Variants in DNAH5 observed in about 807,000 individuals in gnomAD.
DNAH5 encodes axonemal beta dynein heavy chain 5.
In DNAH5, 372 loss-of-function variants were observed where a neutral mutation model predicts 518.2. The ratio of observed to expected loss-of-function variants is 0.72; its 90% CI spans 0.66 to 0.78. The LOEUF is 0.78. DNAH5 is among the 30% of genes least tolerant of loss of function. The pLI, the probability that DNAH5 is intolerant of heterozygous loss-of-function variation, is 0.00. For synonymous variants in DNAH5, 2,039 were observed against 2,025.9 expected (o/e 1.01, Z -0.17); for missense variants, 5,523 against 5,687.0 (o/e 0.97, Z 0.93).
rs185804750 is a variant in DNAH5 at position 13,875,195 on chromosome 5, C to T, written c.3396+1489G>A. 7.9e-5 allele frequency among the ~76,000 whole-genome samples: 12 copies of T among 152,148 alleles called. 1 individual carries two copies. Among genetic ancestry groups the T allele is most frequent in the Admixed American group, 2.6e-4 (4 of 15,268 alleles). Reference sequence around the variant, plus strand: ...ATAAAAGTGACACAGAGGCCGGGCACGGTGGCTCACGACTGTAATCCCAGC... The same window carrying T: ...ATAAAAGTGACACAGAGGCCGGGCATGGTGGCTCACGACTGTAATCCCAGC... On this transcript the variant is annotated intron_variant, in intron 22 of 78. Coordinates refer to ENST00000265104, the MANE Select transcript of DNAH5 (RefSeq NM_001369.3).
chr5:13,864,745 A>T, intron 27 of DNAH5, 108 bp from the exon 28 acceptor site: 1 of 1,223,186 alleles, frequency 8.2e-7, no homozygotes, highest in Non-Finnish European at 1.2e-6. Context: ...TTGAATACTT[A>T]TCCTATTTTA....
At chr5:13,788,168 T>C (rs1030335659) in intron 51 of DNAH5, among the ~76,000 whole-genome samples, 3 of 152,150 alleles carry the variant, frequency 2.0e-5, no homozygotes, top group Non-Finnish European at 4.4e-5. Context: ...GACCCTCTCA[T>C]ACAATTGGAA....
chr5:13,922,475 C>G, intron 4 of DNAH5, 147 bp from the exon 5 acceptor site: 1 of 867,476 alleles, frequency 1.2e-6, no homozygotes, highest in Non-Finnish European at 1.8e-6. Flanking sequence ...ACCTGTAATC[C>G]CAGCACTTTG....
intron 38 of DNAH5, among the ~76,000 whole-genome samples, chr5:13,825,734 G>A (rs1398648852): frequency 6.6e-6 from 1 of 152,204 alleles, no homozygotes; most frequent in South Asian, 2.1e-4. Context: ...TTGTTGTTTA[G>A]TGGGCACAGA....
chr5:13,743,134 T>G (rs1366645218), intron 65 of DNAH5, among the ~76,000 whole-genome samples: 2 of 152,040 alleles, frequency 1.3e-5, no homozygotes, highest in African/African-American at 2.4e-5. Flanking sequence ...ATTTTATCCA[T>G]AAGTCTCCTT....
intron 35 of DNAH5, among the ~76,000 whole-genome samples, chr5:13,833,259 C>A (rs1763933937): frequency 1.3e-5 from 2 of 151,766 alleles, no homozygotes; most frequent in Admixed American, 1.3e-4. Flanking sequence ...GCCAATATGG[C>A]AAAATTCCAT....
At chr5:13,859,058 GTATA>G (rs5866073) in intron 30 of DNAH5, among the ~76,000 whole-genome samples, 9,324 of 151,246 alleles carry the variant, frequency 0.062, 297 homozygotes, top group African/African-American at 0.079. Flanking sequence ...TGGGTACATT[GTATA>G]GTATGCATTA....
chr5:13,977,916 G>A (rs1782386879), intron 1 of DNAH5, among the ~76,000 whole-genome samples: 2 of 152,120 alleles, frequency 1.3e-5, no homozygotes, highest in Non-Finnish European at 2.9e-5. Flanking sequence ...GAGAGGGAGA[G>A]AAAGAGAGGC....
intron 1 of DNAH5, among the ~76,000 whole-genome samples, chr5:13,980,773 A>G (rs1454889361): frequency 6.6e-6 from 1 of 151,966 alleles, no homozygotes; most frequent in East Asian, 1.9e-4. Context: ...GCTAGCCCCC[A>G]CAATCATCCC....
Position 13,729,310 on chromosome 5 carries a change from G to C in DNAH5, c.11883+129C>G, listed in dbSNP as rs927843324. 2 of 1,261,886 alleles carry C rather than the reference G, an allele frequency of 1.6e-6. 1 individual carries two copies. Among genetic ancestry groups the C allele is most frequent in the South Asian group, 2.5e-5 (2 of 80,692 alleles). The allele number at this position is 1,261,886 out of a possible 1,614,324, so 78.2% of individuals were successfully genotyped here. A position where few individuals can be genotyped will look rare whatever the true frequency, so the allele number is the denominator to read the frequency against. On this transcript the variant is annotated intron_variant, in intron 69 of 78. Coordinates refer to ENST00000265104, the MANE Select transcript of DNAH5 (RefSeq NM_001369.3). ...GTAAGTGTGCTTTCAAGAAGGTCAAGCACATGTAATACCATTTTAAGAGTG... is the reference window on the plus strand; with the variant it reads ...GTAAGTGTGCTTTCAAGAAGGTCAACCACATGTAATACCATTTTAAGAGTG...
chr5:13,749,425 T>A (rs1424808971), intron 65 of DNAH5, among the ~76,000 whole-genome samples: 1 of 152,188 alleles, frequency 6.6e-6, no homozygotes, highest in African/African-American at 2.4e-5. Flanking sequence ...TTTTCAGGGC[T>A]GCTCCAAGTG....
intron 1 of DNAH5, among the ~76,000 whole-genome samples, chr5:13,944,064 T>C (rs139851119): frequency 2.6e-5 from 4 of 152,346 alleles, no homozygotes; most frequent in Non-Finnish European, 5.9e-5. Flanking sequence ...TTTACAGGTT[T>C]GAAAGAATAC....
intron 55 of DNAH5, among the ~76,000 whole-genome samples, chr5:13,772,004 T>A (rs1753407867): frequency 6.6e-6 from 1 of 152,178 alleles, no homozygotes; most frequent in Admixed American, 6.5e-5. Flanking sequence ...TCGGCTTCAT[T>A]ACAAAAACAG....
intron 1 of DNAH5, among the ~76,000 whole-genome samples, chr5:13,981,225 A>C (rs1213148486): frequency 1.3e-5 from 2 of 152,226 alleles, no homozygotes; most frequent in Non-Finnish European, 2.9e-5. Context: ...GCAGGTGTTC[A>C]AAACGTGTGT....
intron 61 of DNAH5, among the ~76,000 whole-genome samples, chr5:13,755,490 G>C (rs1353490954): frequency 6.6e-6 from 1 of 152,138 alleles, no homozygotes; most frequent in African/African-American, 2.4e-5. Context: ...ATTATGATAT[G>C]AATAATAACA....
intron 47 of DNAH5, among the ~76,000 whole-genome samples, 160 bp downstream of exon 47, chr5:13,807,431 A>G (rs1255067529): frequency 6.6e-6 from 1 of 152,238 alleles, no homozygotes; most frequent in Non-Finnish European, 1.5e-5. Flanking sequence ...TAGGGAAACT[A>G]TTGCAGTTGA....
Position 13,719,104 on chromosome 5 carries a change from G to A in DNAH5, c.12280-3C>T, listed in dbSNP as rs1461672288. 6.2e-7 allele frequency: 1 copy of A among 1,610,892 alleles called. No homozygotes were observed. Among genetic ancestry groups the A allele is most frequent in the Non-Finnish European group, 8.5e-7 (1 of 1,177,216 alleles). ...TTCTGCAGAAGTGCCCATCCTCCCT[G>A]TCAATAGCAGTAAACGGAAATTAGG... On this transcript the variant is annotated splice_region_variant and splice_polypyrimidine_tract_variant and intron_variant, in intron 71 of 78. Transcript: ENST00000265104.
At chr5:13,834,278 T>C (rs1227512582) in intron 35 of DNAH5, among the ~76,000 whole-genome samples, 1 of 152,142 alleles carries the variant, frequency 6.6e-6, no homozygotes, top group Admixed American at 6.5e-5. Context: ...AAGAATCAAA[T>C]TGCAGAAAAG....
chr5:13,976,058 T>C (rs1227125574), intron 1 of DNAH5, among the ~76,000 whole-genome samples: 1 of 152,194 alleles, frequency 6.6e-6, no homozygotes, highest in Non-Finnish European at 1.5e-5. Context: ...AAGAACTAAG[T>C]TCTGAGGAGA....
Sources: gnomAD v4.1 joint callset for allele counts (sites outside exome capture counted in the v4.1 genomes callset) on GRCh38, gnomAD v4.1.1 for gene constraint, MANE v1.5 for transcripts, NCBI Gene and HGNC (gene_info 2026-07-23, HGNC 2026-07-21) for gene names.